The following RFFL variants were observed in gnomAD, a reference collection of about 807,000 sequenced individuals.
RFFL encodes ring finger and FYVE like domain containing E3 ubiquitin protein ligase, also known as E3 ubiquitin-protein ligase rififylin.
Under a neutral mutation model 40.4 loss-of-function variants are expected in RFFL, and 16 were observed. That is an observed-to-expected ratio of 0.40 (90% CI 0.27 to 0.60). The LOEUF is 0.60. Ranked by LOEUF, RFFL falls within the 20% of genes least tolerant of loss-of-function variation. The pLI is 0.47. For missense variants in RFFL, 367 were observed against 451.7 expected (o/e 0.81, Z 1.70); for synonymous variants, 154 against 167.9 (o/e 0.92, Z 0.64).
chr17:35,061,432 T>C (rs556480214), intron 1 of RFFL, among the ~76,000 whole-genome samples: 9 of 152,290 alleles, frequency 5.9e-5, no homozygotes, highest in Admixed American at 4.6e-4. Flanking sequence ...CCTAAAAGTA[T>C]TCACACACAA....
intron 1 of RFFL, among the ~76,000 whole-genome samples, chr17:35,044,077 T>A (rs2091182871): frequency 6.6e-6 from 1 of 152,196 alleles, no homozygotes; most frequent in Non-Finnish European, 1.5e-5. Context: ...TTGTCTCAAC[T>A]GCAACTAATG....
At chr17:35,083,102 G>C (rs1257379765) in intron 1 of RFFL, among the ~76,000 whole-genome samples, 1 of 152,154 alleles carries the variant, frequency 6.6e-6, no homozygotes, top group Non-Finnish European at 1.5e-5. Flanking sequence ...AAATAAAACA[G>C]GCAAACTGAC....
chr17:35,044,530 C>T (rs1041805056), intron 1 of RFFL, among the ~76,000 whole-genome samples: 3 of 152,138 alleles, frequency 2.0e-5, no homozygotes, highest in Non-Finnish European at 2.9e-5. Flanking sequence ...GCAGGAGAAT[C>T]GCTTATCTGG....
intron 1 of RFFL, among the ~76,000 whole-genome samples, chr17:35,044,811 C>T (rs1256204057): frequency 1.3e-5 from 2 of 152,158 alleles, no homozygotes; most frequent in Non-Finnish European, 2.9e-5. Context: ...TGCCACCTCA[C>T]CTCCCTTACA....
chr17:35,081,165 G>C (rs1359714990), intron 1 of RFFL, among the ~76,000 whole-genome samples: 1 of 152,176 alleles, frequency 6.6e-6, no homozygotes, highest in Non-Finnish European at 1.5e-5. Context: ...GGGGTTAGTA[G>C]CTTTAACAGA....
At chr17:35,053,171 A>G (rs990295486) in intron 1 of RFFL, among the ~76,000 whole-genome samples, 3 of 152,182 alleles carry the variant, frequency 2.0e-5, no homozygotes, top group Non-Finnish European at 4.4e-5. Flanking sequence ...GCTGGAAGAA[A>G]CTCAAAAACT....
chr17:35,017,476 C>T (rs2090981446), intron 4 of RFFL, 47 bp downstream of exon 4: 2 of 1,221,810 alleles, frequency 1.6e-6, no homozygotes, highest in African/African-American at 1.5e-5. Flanking sequence ...CGAAGAACAC[C>T]AGTGAAAGAG....
chr17:35,053,025 G>A (rs1223130239), intron 1 of RFFL, among the ~76,000 whole-genome samples: 1 of 152,166 alleles, frequency 6.6e-6, no homozygotes, highest in Non-Finnish European at 1.5e-5. Context: ...ACTGGCAATA[G>A]CTAGTGATCC....
chr17:35,038,688 A>C lies in RFFL; in HGVS notation c.-8-12127T>G, dbSNP rs2091142385. ...CATGGGAAATGATTCGTTTTACATA[A>C]AATTCAAAAACAGGCAAACTATGGT... On this transcript the variant is annotated intron_variant, in intron 1 of 6. Transcript: ENST00000394597. Among the ~76,000 whole-genome samples, 3 of 152,228 alleles carry C rather than the reference A, an allele frequency of 2.0e-5. 1 individual carries two copies. The highest frequency in any genetic ancestry group is 2.0e-4 in the Admixed American group (3 of 15,284).
At chr17:35,022,916 T>C (rs2142323651) in intron 2 of RFFL, among the ~76,000 whole-genome samples, 1 of 152,356 alleles carries the variant, frequency 6.6e-6, no homozygotes, top group South Asian at 2.1e-4. Context: ...TGGTACTGCC[T>C]GGCAGCAGCT....
chr17:35,087,138 T>C (rs1362020924), intron 1 of RFFL, among the ~76,000 whole-genome samples: 1 of 152,100 alleles, frequency 6.6e-6, no homozygotes, highest in Non-Finnish European at 1.5e-5. Context: ...GGCAGGAGGA[T>C]TGCTTGAGCC....
intron 1 of RFFL, among the ~76,000 whole-genome samples, chr17:35,049,478 A>G (rs2091219555): frequency 6.6e-6 from 1 of 152,212 alleles, no homozygotes; most frequent in South Asian, 2.1e-4. Context: ...TGAATGCAAT[A>G]GAGCAGATTT....
At chr17:35,047,530 G>C (rs1394686081) in intron 1 of RFFL, among the ~76,000 whole-genome samples, 1 of 152,128 alleles carries the variant, frequency 6.6e-6, no homozygotes, top group Non-Finnish European at 1.5e-5. Flanking sequence ...TGTTAAGGTT[G>C]TTTTTGTTGT....
intron 4 of RFFL, 67 bp from the exon 5 acceptor site, chr17:35,016,647 C>T: frequency 7.7e-7 from 1 of 1,291,064 alleles, no homozygotes; most frequent in Non-Finnish European, 1.1e-6. Context: ...TCCAAGGACC[C>T]CAAAGCAGTC....
intron 1 of RFFL, among the ~76,000 whole-genome samples, chr17:35,032,851 G>C (rs902775030): frequency 6.6e-6 from 1 of 152,064 alleles, no homozygotes; most frequent in African/African-American, 2.4e-5. Flanking sequence ...TTAGTTTCAA[G>C]AAGAAATTAT....
intron 1 of RFFL, among the ~76,000 whole-genome samples, chr17:35,070,043 C>T (rs189898275): frequency 3.3e-5 from 5 of 151,510 alleles, no homozygotes; most frequent in African/African-American, 9.7e-5. Context: ...ACATACACAC[C>T]GAGAGAGGGA....
At chr17:35,060,895 C>T (rs144458148) in intron 1 of RFFL, among the ~76,000 whole-genome samples, 13 of 152,280 alleles carry the variant, frequency 8.5e-5, no homozygotes, top group African/African-American at 2.9e-4. Context: ...ACAGTGCTGT[C>T]TGTCAGAAAA....
intron 1 of RFFL, among the ~76,000 whole-genome samples, chr17:35,075,802 C>T (rs538002905): frequency 2.8e-4 from 42 of 152,130 alleles, no homozygotes; most frequent in African/African-American, 9.6e-4. Context: ...AAAAAGCAAA[C>T]ACAAAAGCGT....
At chr17:35,033,925 G>A (rs1295011892) in intron 1 of RFFL, among the ~76,000 whole-genome samples, 6 of 151,774 alleles carry the variant, frequency 4.0e-5, no homozygotes, top group East Asian at 3.9e-4. Flanking sequence ...GGCGGATCAC[G>A]AGGTCAGGAG....
Sources: allele counts gnomAD v4.1 joint callset (sites outside exome capture counted in the v4.1 genomes callset), GRCh38; gene constraint gnomAD v4.1.1; transcripts MANE v1.5; gene names NCBI Gene and HGNC (gene_info 2026-07-23, HGNC 2026-07-21).